Variants in STIL observed in about 807,000 individuals in gnomAD.
STIL encodes the protein SCL-interrupting locus protein.
A neutral mutation model predicts 110.1 loss-of-function variants in STIL; 55 were observed. That is an observed-to-expected ratio of 0.50 (90% CI 0.40 to 0.63). The LOEUF (loss-of-function observed/expected upper bound fraction) is 0.63, where lower values mean the gene tolerates loss of function less well. Ranked by LOEUF, STIL falls within the 20% of genes least tolerant of loss-of-function variation. The pLI is 0.00. For synonymous variants in STIL, 481 were observed against 530.0 expected (o/e 0.91, Z 1.27); for missense variants, 1,358 against 1,530.0 (o/e 0.89, Z 1.87).
At chr1:47,278,146 T>C (rs1029319925) in intron 12 of STIL, among the ~76,000 whole-genome samples, 2 of 152,216 alleles carry the variant, frequency 1.3e-5, no homozygotes, top group Admixed American at 1.3e-4. Context: ...ATAGAGATAC[T>C]TGCACATAGG....
intron 8 of STIL, among the ~76,000 whole-genome samples, chr1:47,290,488 G>A (rs528663558): frequency 2.0e-5 from 3 of 152,026 alleles, no homozygotes; most frequent in East Asian, 1.9e-4. Context: ...GGCGGATCAC[G>A]AGGCCAGGAG....
chr1:47,253,277 T>C (rs1644238713), intron 16 of STIL, among the ~76,000 whole-genome samples: 1 of 152,212 alleles, frequency 6.6e-6, no homozygotes, highest in Non-Finnish European at 1.5e-5. Context: ...TTTCCCCTAC[T>C]TTTTTGTTTT....
chr1:47,295,350 C>A (rs1341928898), intron 7 of STIL, among the ~76,000 whole-genome samples: 1 of 151,986 alleles, frequency 6.6e-6, no homozygotes, highest in Non-Finnish European at 1.5e-5. Flanking sequence ...GAGGCTGAGG[C>A]GGGTAAATCA....
chr1:47,277,588 G>A (rs1202808524), intron 12 of STIL, among the ~76,000 whole-genome samples: 2 of 152,152 alleles, frequency 1.3e-5, no homozygotes, highest in Non-Finnish European at 2.9e-5. Context: ...GTTGGTAGCA[G>A]GAAAGATAGT....
At chr1:47,312,295 C>T (rs1236346357) in intron 1 of STIL, among the ~76,000 whole-genome samples, 1 of 151,948 alleles carries the variant, frequency 6.6e-6, no homozygotes, top group African/African-American at 2.4e-5. Flanking sequence ...TCGAGACCAT[C>T]CTGGCTAACA....
intron 12 of STIL, among the ~76,000 whole-genome samples, chr1:47,278,823 A>T (rs536144248): frequency 1.5e-4 from 23 of 152,152 alleles, no homozygotes; most frequent in South Asian, 8.3e-4. Flanking sequence ...AAAAATTTTA[A>T]AAAAAACTAT....
At position 47,250,775 on chromosome 1, in the gene STIL, G is replaced by A. The variant is rs949203883; in HGVS notation, c.*361C>T. The A allele has an allele frequency of 2.2e-4, 44 of 202,942 alleles. No individual in the cohort carries two copies. The highest frequency in any genetic ancestry group is 1.0e-3 in the African/African-American group (43 of 43,006). The allele number at this position is 202,942 out of a possible 1,614,324, so 12.6% of individuals were successfully genotyped here. A position where few individuals can be genotyped will look rare whatever the true frequency, so the allele number is the denominator to read the frequency against. ...AGAGGTTGCAGTGATCTGAGATCCTGCCATTGCACTCCAGCCTGGGCTACA... is the reference window on the plus strand; with the variant it reads ...AGAGGTTGCAGTGATCTGAGATCCTACCATTGCACTCCAGCCTGGGCTACA... On this transcript the variant is annotated 3_prime_UTR_variant, in exon 17 of 17. Coordinates refer to ENST00000371877, the MANE Select transcript of STIL (RefSeq NM_001048166.1).
chr1:47,272,793 A>G (rs1240451824), intron 12 of STIL, among the ~76,000 whole-genome samples: 1 of 152,214 alleles, frequency 6.6e-6, no homozygotes, highest in Non-Finnish European at 1.5e-5. Context: ...TGAATGGTTA[A>G]TACTTCAAAC....
Position 47,250,980 on chromosome 1 carries a change from A to G in STIL, c.*156T>C. The stretch of plus-strand genomic sequence containing the variant: ...ACAATGAGAACTTAGTCCTATCACC[A>G]GCCAGCCATCTCACAGAAGTCACTC... On this transcript the variant is annotated 3_prime_UTR_variant, in exon 17 of 17. Coordinates refer to ENST00000371877, the MANE Select transcript of STIL (RefSeq NM_001048166.1). 1.5e-6 allele frequency: 1 copy of G among 664,682 alleles called. No homozygotes were observed. The highest frequency in any genetic ancestry group is 2.5e-6 in the Non-Finnish European group (1 of 397,128). 41.2% of individuals were successfully genotyped at this position (664,682 alleles called of 1,614,324 possible). A position where few individuals can be genotyped will look rare whatever the true frequency, so the allele number is the denominator to read the frequency against.
chr1:47,276,415 C>CATAT (rs200792762), intron 12 of STIL, among the ~76,000 whole-genome samples: 3 of 150,506 alleles, frequency 2.0e-5, no homozygotes, highest in South Asian at 2.1e-4. Context: ...TATACATATA[C>CATAT]ATATATATAT....
chr1:47,286,835 CTG>C (rs1280130510), intron 10 of STIL, among the ~76,000 whole-genome samples: 1 of 151,882 alleles, frequency 6.6e-6, no homozygotes, highest in Non-Finnish European at 1.5e-5. Flanking sequence ...ATGTCTTTTA[CTG>C]TACATTTCCT....
Position 47,272,056 on chromosome 1 carries a change from TA to T in STIL, c.2383+19del, listed in dbSNP as rs757631449. The T allele has an allele frequency of 2.5e-5, 40 of 1,597,214 alleles. No individual in the cohort carries two copies. The South Asian group carries it at 2.8e-4, about 11-fold the overall frequency. ...CATTTTTAACAATTTCCTTACAAAT[TA>T]AAAAAAAACTGAAATTACCTGTGCT... On this transcript the variant is annotated intron_variant, in intron 13 of 16. Transcript: ENST00000371877.
At chr1:47,279,229 G>A (rs185871266) in intron 12 of STIL, among the ~76,000 whole-genome samples, 119 of 148,826 alleles carry the variant, frequency 8.0e-4, no homozygotes, top group African/African-American at 2.9e-3. Context: ...CTTGCAGTGA[G>A]CCGAGATCGT....
intron 12 of STIL, among the ~76,000 whole-genome samples, chr1:47,278,820 T>A (rs909197440): frequency 6.6e-6 from 1 of 151,926 alleles, no homozygotes; most frequent in African/African-American, 2.4e-5. Flanking sequence ...AGTAAAAATT[T>A]TAAAAAAAAC....
chr1:47,297,550 G>A (rs1035869142), intron 6 of STIL, among the ~76,000 whole-genome samples: 2 of 152,004 alleles, frequency 1.3e-5, no homozygotes. Context: ...ATGGGCCCTA[G>A]TAAATATTAG....
At chr1:47,290,516 T>G (rs768142248) in intron 8 of STIL, among the ~76,000 whole-genome samples, 1 of 151,950 alleles carries the variant, frequency 6.6e-6, no homozygotes, top group Non-Finnish European at 1.5e-5. Flanking sequence ...CCATCCTGGC[T>G]ACCACAGTGA....
At chr1:47,259,072 T>C (rs1220911174) in intron 16 of STIL, among the ~76,000 whole-genome samples, 1 of 136,318 alleles carries the variant, frequency 7.3e-6, no homozygotes, top group East Asian at 2.2e-4. Flanking sequence ...CTGCAAGCTC[T>C]GCCTCCTGGG....
chr1:47,301,812 A>C, intron 4 of STIL, 64 bp from the exon 5 acceptor site: 1 of 1,486,118 alleles, frequency 6.7e-7, no homozygotes, highest in South Asian at 1.1e-5. Flanking sequence ...TCAACCAAGC[A>C]AGACTACATT....
chr1:47,260,849 T>G (rs914240475), intron 15 of STIL, among the ~76,000 whole-genome samples: 1 of 152,204 alleles, frequency 6.6e-6, no homozygotes, highest in South Asian at 2.1e-4. Flanking sequence ...CGTGACAAAG[T>G]GAGACTCTGT....
Sources: gnomAD v4.1 joint callset for allele counts (sites outside exome capture counted in the v4.1 genomes callset) on GRCh38, gnomAD v4.1.1 for gene constraint, MANE v1.5 for transcripts, NCBI Gene and HGNC (gene_info 2026-07-23, HGNC 2026-07-21) for gene names.